Variants in STIMATE observed in about 807,000 individuals in gnomAD.
STIMATE encodes the protein store-operated calcium entry regulator STIMATE.
In STIMATE, 15 loss-of-function variants were observed where a neutral mutation model predicts 36.7. The ratio of observed to expected loss-of-function variants is 0.41; its 90% CI spans 0.27 to 0.63. The LOEUF (loss-of-function observed/expected upper bound fraction) is 0.63, where lower values mean the gene tolerates loss of function less well. Ranked by LOEUF, STIMATE falls within the 20% of genes least tolerant of loss-of-function variation. The probability of loss-of-function intolerance (pLI) is 0.32; values close to 1 mark genes in which losing one functional copy is unlikely to be tolerated. For missense variants in STIMATE, 305 were observed against 397.3 expected, an observed-to-expected ratio of 0.77 and a Z score of 1.98; for synonymous variants, 163 against 162.3, an observed-to-expected ratio of 1.00 and a Z score of -0.03.
rs560409304 is a variant in STIMATE at position 52,881,660 on chromosome 3, C to T, written c.160+15631G>A. ...GAGCTTGCAGTGAGCTGAGATTGCA[C>T]CACTGCACTCCAGCCCGGGCGACAG... is the stretch of plus-strand genomic sequence containing the variant. On this transcript the variant is annotated intron_variant, in intron 1 of 7. Coordinates refer to ENST00000355083, the MANE Select transcript of STIMATE (RefSeq NM_198563.5). 8.5e-4 allele frequency among the ~76,000 whole-genome samples: 129 copies of T among 152,270 alleles called. 1 individual carries two copies. The Middle Eastern group carries it at 0.024, about 28-fold the overall frequency.
chr3:52,897,005 G>A (rs1701875527), intron 1 of STIMATE, among the ~76,000 whole-genome samples: 1 of 152,176 alleles, frequency 6.6e-6, no homozygotes, highest in Admixed American at 6.5e-5. Context: ...GGGAAGTGGG[G>A]TAACAATTCG....
chr3:52,897,185 A>C (rs1701878779), intron 1 of STIMATE, 106 bp downstream of exon 1: 2 of 1,412,770 alleles, frequency 1.4e-6, no homozygotes, highest in African/African-American at 1.5e-5. Context: ...GGGAGGAGCA[A>C]TTCGGGTCCC....
At chr3:52,864,299 T>C (rs1416234153) in intron 1 of STIMATE, among the ~76,000 whole-genome samples, 1 of 152,216 alleles carries the variant, frequency 6.6e-6, no homozygotes, top group Non-Finnish European at 1.5e-5. Context: ...CTCAACATTA[T>C]GTGGAAGCTG....
chr3:52,863,163 T>C (rs578059502), intron 1 of STIMATE, among the ~76,000 whole-genome samples: 1 of 152,344 alleles, frequency 6.6e-6, no homozygotes, highest in African/African-American at 2.4e-5. Context: ...TTTTCTCTTT[T>C]TCTTTCAATG....
At chr3:52,887,999 T>TGTTTTTG (rs202166636) in intron 1 of STIMATE, among the ~76,000 whole-genome samples, 1 of 130,124 alleles carries the variant, frequency 7.7e-6, no homozygotes, top group Non-Finnish European at 1.6e-5. Context: ...AATCAGTTTT[T>TGTTTTTG]TTTTTTTTTT....
At chr3:52,848,095 A>G (rs1342297226) in intron 4 of STIMATE, 1 of 152,886 alleles carries the variant, frequency 6.5e-6, no homozygotes, top group Non-Finnish European at 1.5e-5. Flanking sequence ...TGTTGTTTCA[A>G]TTTGTGCCAT....
chr3:52,883,954 T>C (rs968194508), intron 1 of STIMATE, among the ~76,000 whole-genome samples: 5 of 152,214 alleles, frequency 3.3e-5, no homozygotes, highest in Admixed American at 1.3e-4. Flanking sequence ...TTACCTAACC[T>C]GTCTAGAAAT....
At chr3:52,878,778 A>G (rs945058569) in intron 1 of STIMATE, among the ~76,000 whole-genome samples, 3 of 152,204 alleles carry the variant, frequency 2.0e-5, no homozygotes, top group African/African-American at 7.2e-5. Context: ...GACAAGTCCA[A>G]GTTCAGAGGA....
chr3:52,847,387 T>C (rs899336806), intron 4 of STIMATE: 14 of 1,266,994 alleles, frequency 1.1e-5, no homozygotes, highest in South Asian at 1.3e-5. Flanking sequence ...GCAAGACCCA[T>C]GAAGCACCGT....
chr3:52,873,943 G>A (rs187724515), intron 1 of STIMATE, among the ~76,000 whole-genome samples: 7 of 152,248 alleles, frequency 4.6e-5, no homozygotes, highest in South Asian at 2.1e-4. Flanking sequence ...ATCTCATAGC[G>A]GGCAACGATA....
intron 1 of STIMATE, chr3:52,895,929 T>A (rs1273912701): frequency 7.8e-7 from 1 of 1,289,796 alleles, no homozygotes; most frequent in Non-Finnish European, 1.0e-6. Flanking sequence ...CAGCAGCGGA[T>A]TTTGGCTAAG....
chr3:52,892,353 T>C (rs1023644283), intron 1 of STIMATE, among the ~76,000 whole-genome samples: 6 of 152,224 alleles, frequency 3.9e-5, no homozygotes, highest in African/African-American at 1.4e-4. Context: ...ATTGCCATTA[T>C]GGATAAATGC....
intron 1 of STIMATE, among the ~76,000 whole-genome samples, chr3:52,858,826 C>CAGTACATACGTTCAATACAATACTA (rs1701151688): frequency 6.6e-6 from 1 of 152,082 alleles, no homozygotes; most frequent in African/African-American, 2.4e-5. Context: ...CCATATGACA[C>CAGTACATACGTTCAATACAATACTA]AGTACATACG....
At position 52,840,333 on chromosome 3, in the gene STIMATE, A is replaced by C; in HGVS notation, c.*161T>G. The C allele has an allele frequency of 1.2e-6, 1 of 809,194 alleles. No individual in the cohort carries two copies. The highest frequency in any genetic ancestry group is 2.9e-5 in the Admixed American group (1 of 34,280). The allele number at this position is 809,194 out of a possible 1,614,324, so 50.1% of individuals were successfully genotyped here. ...GCGCTGGCTCCTCTTCCCTCTTTTT[A>C]AGTCACAGTAGTCTGGGGGCAGGCG... On this transcript the variant is annotated 3_prime_UTR_variant, in exon 8 of 8. Transcript: ENST00000355083.
intron 1 of STIMATE, among the ~76,000 whole-genome samples, chr3:52,896,290 A>T (rs2106743253): frequency 6.6e-6 from 1 of 152,346 alleles, no homozygotes; most frequent in South Asian, 2.1e-4. Flanking sequence ...ACACAAGCAC[A>T]GTGGGGAAGT....
intron 6 of STIMATE, 189 bp from the exon 7 acceptor site, chr3:52,843,149 C>G: frequency 1.8e-6 from 2 of 1,137,420 alleles, no homozygotes; most frequent in Non-Finnish European, 2.4e-6. Flanking sequence ...TCCTCGGGTT[C>G]AGTTTTCTGA....
chr3:52,870,533 A>G (rs1701384308), intron 1 of STIMATE, among the ~76,000 whole-genome samples: 1 of 151,714 alleles, frequency 6.6e-6, no homozygotes, highest in Admixed American at 6.6e-5. Context: ...ACCTGGGCCC[A>G]CAGGAGAGAA....
intron 1 of STIMATE, among the ~76,000 whole-genome samples, chr3:52,879,073 A>G (rs937088048): frequency 2.1e-4 from 32 of 152,336 alleles, no homozygotes; most frequent in African/African-American, 7.2e-4. Context: ...GCTAGGCAGA[A>G]CAATTAAAGG....
intron 7 of STIMATE, among the ~76,000 whole-genome samples, chr3:52,841,104 T>G (rs1578795855): frequency 6.6e-6 from 1 of 152,218 alleles, no homozygotes; most frequent in Non-Finnish European, 1.5e-5. Flanking sequence ...AGGACACTCA[T>G]GGGCTACTGA....
Sources: allele counts gnomAD v4.1 joint callset (sites outside exome capture counted in the v4.1 genomes callset), GRCh38; gene constraint gnomAD v4.1.1; transcripts MANE v1.5; gene names NCBI Gene and HGNC (gene_info 2026-07-23, HGNC 2026-07-21).